Variants in STAG2 observed in about 807,000 individuals in gnomAD.
The protein encoded by STAG2 is cohesin subunit SA-2.
In STAG2, 14 loss-of-function variants were observed where a neutral mutation model predicts 108.1. The ratio of observed to expected loss-of-function variants is 0.13; its 90% CI spans 0.09 to 0.20. STAG2 has a LOEUF of 0.20. Ranked by LOEUF, STAG2 falls within the 10% of genes least tolerant of loss-of-function variation. The pLI, the probability that STAG2 is intolerant of heterozygous loss-of-function variation, is 1.00. For synonymous variants in STAG2, 307 were observed against 302.7 expected, an observed-to-expected ratio of 1.01 and a Z score of -0.15; for missense variants, 440 against 940.9, an observed-to-expected ratio of 0.47 and a Z score of 6.96.
chrX:124,000,004 C>A lies in STAG2; in HGVS notation c.-162-21363C>A, dbSNP rs189539330. On this transcript the variant is annotated intron_variant, in intron 1 of 34. Transcript: ENST00000371145. ...GAACTCCTGGTCTCAAGTGATCCTT[C>A]CATGTGAATCTGGTCTCTTAAGCCT... is the stretch of plus-strand genomic sequence containing the variant. Among the ~76,000 whole-genome samples the A allele has an allele frequency of 2.1e-3, 230 of 108,977 alleles. 1 individual carries two copies. Among genetic ancestry groups the A allele is most frequent in the Admixed American group, 1.1e-3 (11 of 10,111 alleles). 94.6% of individuals were successfully genotyped at this position (108,977 alleles called of 115,157 possible).
intron 25 of STAG2, among the ~76,000 whole-genome samples, chrX:124,073,106 A>G (rs1037086638): frequency 9.1e-6 from 1 of 109,614 alleles, no homozygotes; most frequent in East Asian, 2.8e-4. Context: ...ATGTAGAGTA[A>G]GTTCTCACTG....
chrX:124,036,457 TC>T (rs2057519451), intron 5 of STAG2, among the ~76,000 whole-genome samples: 1 of 112,021 alleles, frequency 8.9e-6, no homozygotes, highest in Admixed American at 9.5e-5. Context: ...CGACCTCAGC[TC>T]ACTGCAGCCT....
At chrX:123,990,340 A>G (rs764685597) in intron 1 of STAG2, among the ~76,000 whole-genome samples, 9 of 111,975 alleles carry the variant, frequency 8.0e-5, no homozygotes, top group Admixed American at 2.8e-4. Context: ...TTGTAACTAT[A>G]CAAAGTGATA....
chrX:124,027,322 G>A (rs2057139147), intron 4 of STAG2, among the ~76,000 whole-genome samples: 1 of 112,257 alleles, frequency 8.9e-6, no homozygotes, highest in Non-Finnish European at 1.9e-5. Context: ...CATAATTCAT[G>A]TGTTTCATAA....
rs191978934 is a variant in STAG2 at position 124,048,691 on chromosome X, G to A, written c.820-314G>A. ...GTGATCCGTCTGTCTTGGCCTCCCC[G>A]AGTGCTGAGATTACAGGCATGAGCC... On this transcript the variant is annotated intron_variant, in intron 9 of 34. Transcript: ENST00000371145. Among the ~76,000 whole-genome samples, 32 of 111,336 alleles carry A rather than the reference G, an allele frequency of 2.9e-4. 1 individual carries two copies. The East Asian group carries it at 8.5e-3, about 29-fold the overall frequency.
At chrX:124,074,868 A>G (rs1265517413) in intron 25 of STAG2, among the ~76,000 whole-genome samples, 1 of 112,155 alleles carries the variant, frequency 8.9e-6, no homozygotes, top group Non-Finnish European at 1.9e-5. Flanking sequence ...TAGAGGGAAA[A>G]TGTCTGTATG....
rs773790901 is a variant in STAG2 at position 124,057,899 on chromosome X, A to G, written c.1338A>G (p.Gly446=). ...LFSRRDPEED[G]MMKRRGRQGP... is the part of the protein sequence containing the mutation. The stretch of plus-strand genomic sequence containing the variant: ...GTCGTAGAGATCCAGAGGAGGATGG[A>G]ATGATGAAAAGAAGAGGAAGACAAG... Residue 446 remains glycine (G), a synonymous_variant, in exon 15 of 35, where the codon GGA becomes GGG. Transcript: ENST00000371145. 1 of 1,191,171 alleles carries G rather than the reference A, an allele frequency of 8.4e-7. No individual in the cohort carries two copies. The highest frequency in any genetic ancestry group is 1.1e-6 in the Non-Finnish European group (1 of 885,240).
chrX:123,986,813 G>T (rs999516192), intron 1 of STAG2, among the ~76,000 whole-genome samples: 10 of 110,424 alleles, frequency 9.1e-5, no homozygotes, highest in Non-Finnish European at 1.7e-4. Flanking sequence ...AGATTGATAT[G>T]AATAACTTAT....
At chrX:124,008,270 A>G (rs1397909994) in intron 1 of STAG2, among the ~76,000 whole-genome samples, 1 of 104,850 alleles carries the variant, frequency 9.5e-6, no homozygotes, top group Non-Finnish European at 2.0e-5. Flanking sequence ...CTAGAGTGCA[A>G]TGGTGCGATC....
chrX:124,069,635 GCT>G (rs1352412751), intron 24 of STAG2, among the ~76,000 whole-genome samples: 1 of 110,831 alleles, frequency 9.0e-6, no homozygotes, highest in Non-Finnish European at 1.9e-5. Context: ...CTTATTTCCA[GCT>G]CTCTCTTGTC....
chrX:124,000,182 C>T (rs1046468015), intron 1 of STAG2, among the ~76,000 whole-genome samples: 1 of 111,018 alleles, frequency 9.0e-6, no homozygotes, highest in Non-Finnish European at 1.9e-5. Context: ...CTAGTCATGT[C>T]GTAGCCTTTA....
chrX:124,047,786 G>A (rs757820102), intron 9 of STAG2, among the ~76,000 whole-genome samples: 2 of 111,208 alleles, frequency 1.8e-5, no homozygotes, highest in East Asian at 5.6e-4. Context: ...TCATCTCTAC[G>A]GTGAAAAACC....
At chrX:124,062,057 T>G in intron 17 of STAG2, among the ~76,000 whole-genome samples, 183 bp downstream of exon 17, 1 of 111,618 alleles carries the variant, frequency 9.0e-6, no homozygotes, top group East Asian at 2.8e-4. Context: ...TTCTCTGTAA[T>G]ATACTTTTTT....
At chrX:124,012,904 T>C (rs1004648889) in intron 1 of STAG2, among the ~76,000 whole-genome samples, 2 of 111,701 alleles carry the variant, frequency 1.8e-5, no homozygotes, top group African/African-American at 6.5e-5. Flanking sequence ...CTTGAGTAAA[T>C]AAATGTGAAA....
chrX:124,043,173 G>A (rs756223015), intron 7 of STAG2, among the ~76,000 whole-genome samples: 8 of 103,437 alleles, frequency 7.7e-5, no homozygotes, highest in African/African-American at 1.4e-4. Flanking sequence ...TCACTCTGTC[G>A]CCCAGGCTGG....
chrX:123,971,570 A>G (rs1187863050), intron 1 of STAG2, among the ~76,000 whole-genome samples: 1 of 112,121 alleles, frequency 8.9e-6, no homozygotes, highest in African/African-American at 3.2e-5. Context: ...TAAAAAGACA[A>G]GATAGTGTTT....
At chrX:124,094,868 T>C (rs888251584) in intron 33 of STAG2, among the ~76,000 whole-genome samples, 1 of 111,911 alleles carries the variant, frequency 8.9e-6, no homozygotes, top group Non-Finnish European at 1.9e-5. Context: ...TCGAAAGGAA[T>C]ATGATTTTTA....
rs2058257812 is a variant in STAG2, at chrX:124,058,000, A to T, written c.1416+23A>T. 2.8e-6 allele frequency: 3 copies of T among 1,074,485 alleles called. No homozygotes were observed. In the Admixed American group the frequency reaches 8.6e-5, roughly 31 times the overall value. 88.5% of individuals were successfully genotyped at this position (1,074,485 alleles called of 1,213,427 possible). ...GAGGTTAGTTGATAGTATTTATTTT[A>T]TACTTAGGTTCGAAAAATTTTGGAA... On this transcript the variant is annotated intron_variant, in intron 15 of 34. Coordinates refer to ENST00000371145, the MANE Select transcript of STAG2 (RefSeq NM_001042750.2).
intron 30 of STAG2, among the ~76,000 whole-genome samples, chrX:124,088,640 G>A (rs1464059408): frequency 1.4e-4 from 12 of 83,497 alleles, no homozygotes; most frequent in Non-Finnish European, 2.6e-4. Flanking sequence ...TTTTGATGGA[G>A]TTTTGCTCTT....
Sources: allele counts gnomAD v4.1 joint callset (sites outside exome capture counted in the v4.1 genomes callset), GRCh38; gene constraint gnomAD v4.1.1; transcripts MANE v1.5; gene names NCBI Gene and HGNC (gene_info 2026-07-23, HGNC 2026-07-21).